Variants in MAGI2 observed in about 807,000 individuals in gnomAD.
The protein encoded by MAGI2 is membrane associated guanylate kinase, WW and PDZ domain containing 2.
MAGI2 carries 35 observed loss-of-function variants against 133.3 expected under a neutral mutation model. The observed-to-expected ratio is 0.26, with a 90% confidence interval of 0.20 to 0.35. MAGI2 has a LOEUF of 0.35. MAGI2 is among the 10% of genes least tolerant of loss of function. The pLI is 1.00. For synonymous variants in MAGI2, 729 were observed against 710.6 expected (o/e 1.03, Z -0.41); for missense variants, 1,636 against 1,863.4 (o/e 0.88, Z 2.25).
chr7:78,625,029 G>A (rs913352523), intron 3 of MAGI2, among the ~76,000 whole-genome samples: 43 of 152,060 alleles, frequency 2.8e-4, no homozygotes, highest in African/African-American at 1.0e-3. Context: ...TGCCCCTGAA[G>A]ACCTTCCAGT....
chr7:79,274,692 CTT>C (rs1256767389), intron 1 of MAGI2, among the ~76,000 whole-genome samples: 1 of 152,040 alleles, frequency 6.6e-6, no homozygotes, highest in African/African-American at 2.4e-5. Context: ...CTTTATTGCA[CTT>C]TGCAGATATT....
chr7:78,284,202 G>A (rs1562750767), intron 9 of MAGI2, among the ~76,000 whole-genome samples: 1 of 152,034 alleles, frequency 6.6e-6, no homozygotes, highest in African/African-American at 2.4e-5. Context: ...CACCTGAAAT[G>A]GCTTAAACCT....
intron 1 of MAGI2, among the ~76,000 whole-genome samples, chr7:79,048,382 G>A (rs999727387): frequency 6.6e-6 from 1 of 152,186 alleles, no homozygotes; most frequent in African/African-American, 2.4e-5. Flanking sequence ...ATGCCACGAT[G>A]TTCTCCAATT....
intron 1 of MAGI2, among the ~76,000 whole-genome samples, chr7:79,021,822 G>T (rs1477153826): frequency 1.4e-5 from 2 of 144,192 alleles, no homozygotes; most frequent in African/African-American, 2.6e-5. Flanking sequence ...AGGGGCCAGG[G>T]TGGAATGATA....
chr7:78,184,882 T>TA (rs1219666565), intron 13 of MAGI2, among the ~76,000 whole-genome samples: 1 of 152,176 alleles, frequency 6.6e-6, no homozygotes, highest in East Asian at 1.9e-4. Context: ...TGGCATGGTT[T>TA]AAAAAAATTA....
chr7:78,430,005 T>C (rs1047269991), intron 6 of MAGI2, among the ~76,000 whole-genome samples: 1 of 152,148 alleles, frequency 6.6e-6, no homozygotes, highest in Non-Finnish European at 1.5e-5. Flanking sequence ...TGTGCTACAT[T>C]GCCCTTCTTC....
At chr7:78,233,453 A>T (rs755104212) in intron 10 of MAGI2, among the ~76,000 whole-genome samples, 4 of 152,168 alleles carry the variant, frequency 2.6e-5, no homozygotes, top group Non-Finnish European at 5.9e-5. Context: ...GAAACCAGAC[A>T]GCAGTAGGAT....
chr7:78,990,504 T>C (rs551717291), intron 2 of MAGI2, among the ~76,000 whole-genome samples: 3 of 152,154 alleles, frequency 2.0e-5, no homozygotes, highest in African/African-American at 7.2e-5. Flanking sequence ...TCAATCGGAA[T>C]GTCCTTCTAG....
chr7:78,145,956 C>T (rs1392358969), intron 16 of MAGI2, among the ~76,000 whole-genome samples: 2 of 152,120 alleles, frequency 1.3e-5, no homozygotes, highest in African/African-American at 4.8e-5. Flanking sequence ...AGGGATTCAA[C>T]ATATAGGTTT....
rs558226181 is a variant in MAGI2 at position 79,219,726 on chromosome 7, AATCTTAATTCAAGAT to A, written c.302-212535_302-212521del. On this transcript the variant is annotated intron_variant, in intron 1 of 21. Coordinates refer to ENST00000354212, the MANE Select transcript of MAGI2 (RefSeq NM_012301.4). ...ATATTTCAGTGCCTTCACATTTGCA[AATCTTAATTCAAGAT>A]ATTTTTACATTTTTCCCTGTGCTCA... 6.4e-3 allele frequency among the ~76,000 whole-genome samples: 973 copies of A among 152,140 alleles called. 6 individuals carry two copies. Among genetic ancestry groups the A allele is most frequent in the Middle Eastern group, 0.01 (3 of 294 alleles).
In MAGI2 at chr7:78,326,829, G is replaced by A. The variant is rs143881191; in HGVS notation, c.1408+16949C>T. Among the ~76,000 whole-genome samples, 469 of 152,164 alleles carry A rather than the reference G, an allele frequency of 3.1e-3. 1 individual carries two copies. The highest frequency in any genetic ancestry group is 0.011 in the African/African-American group (436 of 41,506). ...TTTAAATCACTTTCCTTCCTCCTCC[G>A]TGGAGAGGTATGGTCTGCCTCTGAA... On this transcript the variant is annotated intron_variant, in intron 9 of 21. Transcript: ENST00000354212.
chr7:78,230,928 A>G (rs1406661100), intron 10 of MAGI2, among the ~76,000 whole-genome samples: 1 of 152,218 alleles, frequency 6.6e-6, no homozygotes, highest in Non-Finnish European at 1.5e-5. Context: ...CGTTTGTTGA[A>G]GTAAGCTTTC....
intron 9 of MAGI2, among the ~76,000 whole-genome samples, chr7:78,330,230 C>G (rs895063406): frequency 1.2e-4 from 18 of 152,124 alleles, no homozygotes; most frequent in Non-Finnish European, 1.8e-4. Flanking sequence ...TTAAATAATT[C>G]TGTAAGGACA....
chr7:78,467,283 T>C (rs926847235), intron 6 of MAGI2, among the ~76,000 whole-genome samples: 3 of 152,118 alleles, frequency 2.0e-5, no homozygotes, highest in Non-Finnish European at 2.9e-5. Flanking sequence ...CCCCTAAGGA[T>C]AAACAGCTAT....
intron 6 of MAGI2, among the ~76,000 whole-genome samples, chr7:78,397,366 T>TACACACACACACACACAC (rs71085528): frequency 1.4e-5 from 2 of 147,704 alleles, no homozygotes; most frequent in African/African-American, 2.5e-5. Context: ...TTGAAATTCC[T>TACACACACACACACACAC]ACACACACAC....
chr7:78,131,268 A>G (rs939115197), intron 18 of MAGI2, among the ~76,000 whole-genome samples: 1 of 152,212 alleles, frequency 6.6e-6, no homozygotes, highest in Admixed American at 6.5e-5. Flanking sequence ...TCACCTCTGC[A>G]TCATTTGCTT....
chr7:78,971,349 A>G (rs1244246276), intron 2 of MAGI2, among the ~76,000 whole-genome samples: 1 of 152,046 alleles, frequency 6.6e-6, no homozygotes, highest in Non-Finnish European at 1.5e-5. Flanking sequence ...TTACTAATCA[A>G]TGACTATTAG....
intron 2 of MAGI2, among the ~76,000 whole-genome samples, chr7:78,741,816 T>C (rs1254280522): frequency 6.6e-6 from 1 of 152,092 alleles, no homozygotes; most frequent in Non-Finnish European, 1.5e-5. Flanking sequence ...AACCTCTCTA[T>C]ATGACGACCT....
intron 10 of MAGI2, among the ~76,000 whole-genome samples, chr7:78,244,963 G>C (rs1791605046): frequency 6.6e-6 from 1 of 152,226 alleles, no homozygotes; most frequent in Non-Finnish European, 1.5e-5. Flanking sequence ...ATTTAAGAGT[G>C]TAAAATGAGA....
Sources: gnomAD v4.1 joint callset for allele counts (sites outside exome capture counted in the v4.1 genomes callset) on GRCh38, gnomAD v4.1.1 for gene constraint, MANE v1.5 for transcripts, NCBI Gene and HGNC (gene_info 2026-07-23, HGNC 2026-07-21) for gene names.